SMIM45: variants seen among roughly 807,000 people sequenced by gnomAD.
SMIM45 encodes the protein long intergenic non-protein coding RNA 634.
chr22:41,949,791 C>T, the SMIM45 span, among the ~76,000 whole-genome samples: 1 of 152,172 alleles, frequency 6.6e-6, no homozygotes, highest in Non-Finnish European at 1.5e-5. Context: ...GGGGAAGCTG[C>T]TCTGTGTCCC....
At chr22:41,955,576 G>A in the SMIM45 span, among the ~76,000 whole-genome samples, 3 of 152,198 alleles carry the variant, frequency 2.0e-5, no homozygotes, top group Admixed American at 6.5e-5. Flanking sequence ...GGAGGCCGAG[G>A]TGGGCGGATC....
the SMIM45 span, among the ~76,000 whole-genome samples, chr22:41,954,844 A>G: frequency 6.6e-6 from 1 of 151,978 alleles, no homozygotes; most frequent in South Asian, 2.1e-4. Context: ...CGTCTCTACT[A>G]AAAAATACAA....
At chr22:41,958,301 C>G in the SMIM45 span, 2 of 456,730 alleles carry the variant, frequency 4.4e-6, no homozygotes, top group South Asian at 1.5e-5. Flanking sequence ...TCAATGGCAC[C>G]GGCCCTGCAA....
the SMIM45 span, among the ~76,000 whole-genome samples, chr22:41,957,045 T>G: frequency 3.9e-5 from 6 of 152,104 alleles, no homozygotes; most frequent in Admixed American, 3.9e-4. Context: ...CCTCCCAAAG[T>G]GCTGGGATTA....
chr22:41,951,649 T>C, the SMIM45 span, among the ~76,000 whole-genome samples: 2 of 152,344 alleles, frequency 1.3e-5, no homozygotes, highest in East Asian at 3.9e-4. Flanking sequence ...ACTTTCTTGC[T>C]GTGTGACCAT....
At chr22:41,947,566 C>T in the SMIM45 span, among the ~76,000 whole-genome samples, 5 of 151,910 alleles carry the variant, frequency 3.3e-5, no homozygotes, top group African/African-American at 4.8e-5. Flanking sequence ...CGGGGTTTCT[C>T]CAAGTTGCCC....
chr22:41,958,440 G>C, the SMIM45 span: 3 of 454,550 alleles, frequency 6.6e-6, no homozygotes, highest in Admixed American at 2.4e-5. Flanking sequence ...TGTGGTGGGG[G>C]TATGCAGAGG....
the SMIM45 span, among the ~76,000 whole-genome samples, chr22:41,948,619 T>C: frequency 1.3e-5 from 2 of 151,952 alleles, no homozygotes; most frequent in South Asian, 4.2e-4. Flanking sequence ...GTAGGCACTA[T>C]GACAAGAAAA....
At chr22:41,956,411 T>C in the SMIM45 span, among the ~76,000 whole-genome samples, 3 of 152,206 alleles carry the variant, frequency 2.0e-5, no homozygotes, top group Non-Finnish European at 2.9e-5. Flanking sequence ...ACTGGGCTTG[T>C]GTAGACTCCA....
the SMIM45 span, among the ~76,000 whole-genome samples, chr22:41,956,428 T>C: frequency 6.6e-6 from 1 of 152,184 alleles, no homozygotes; most frequent in Non-Finnish European, 1.5e-5. Context: ...TCCATTGATA[T>C]CAACCAGGTC....
At chr22:41,949,222 G>T in the SMIM45 span, among the ~76,000 whole-genome samples, 1 of 151,270 alleles carries the variant, frequency 6.6e-6, no homozygotes, top group South Asian at 2.1e-4. Context: ...TCCAGCCTGG[G>T]TGACATGTGA....
At chr22:41,957,905 AGGGGATAGGCGGGCGGCACCGGGC>A in the SMIM45 span, 1 of 162,888 alleles carries the variant, frequency 6.1e-6, no homozygotes. Context: ...CGACTTGCAA[AGGGGATAGGCGGGCGGCACCGGGC>A]GCCCTCCCCC....
At chr22:41,956,941 C>T in the SMIM45 span, among the ~76,000 whole-genome samples, 4 of 152,248 alleles carry the variant, frequency 2.6e-5, no homozygotes, top group South Asian at 2.1e-4. Context: ...CCATCATGCC[C>T]GGCTAATTTT....
At chr22:41,947,109 T>C in the SMIM45 span, 1 of 1,608,634 alleles carries the variant, frequency 6.2e-7, no homozygotes, top group Admixed American at 1.7e-5. Context: ...GCTCCTGCGG[T>C]GCGCGCCGAT....
the SMIM45 span, among the ~76,000 whole-genome samples, chr22:41,955,805 CAAAAA>C: frequency 2.9e-5 from 3 of 104,354 alleles, no homozygotes; most frequent in African/African-American, 7.1e-5. Context: ...GACTCCGTCT[CAAAAA>C]AAAAAAAAAA....
At chr22:41,955,821 A>G in the SMIM45 span, among the ~76,000 whole-genome samples, 6 of 151,522 alleles carry the variant, frequency 4.0e-5, no homozygotes, top group Non-Finnish European at 8.8e-5. Context: ...AAAAAAAAAA[A>G]AAAATTCAAA....
At chr22:41,958,347 C>T in the SMIM45 span, 1 of 456,712 alleles carries the variant, frequency 2.2e-6, no homozygotes, top group Non-Finnish European at 4.4e-6. Flanking sequence ...AGGAAAGAAC[C>T]TAAGAACCTC....
chr22:41,953,152 A>G, the SMIM45 span, among the ~76,000 whole-genome samples: 1 of 152,298 alleles, frequency 6.6e-6, no homozygotes, highest in South Asian at 2.1e-4. Context: ...GCCTCAGAAC[A>G]GCCAGTGAGG....
chr22:41,958,505 A>AGG, the SMIM45 span: 1 of 400,534 alleles, frequency 2.5e-6, no homozygotes, highest in African/African-American at 2.1e-5. Context: ...AGAGAGAGAG[A>AGG]GAGTCTGGGG....
Sources: allele counts gnomAD v4.1 joint callset (sites outside exome capture counted in the v4.1 genomes callset), GRCh38; gene constraint gnomAD v4.1.1; transcripts MANE v1.5; gene names NCBI Gene and HGNC (gene_info 2026-07-23, HGNC 2026-07-21).